Variants in LYPD6 observed in about 807,000 individuals in gnomAD.
The protein encoded by LYPD6 is ly6/PLAUR domain-containing protein 6.
LYPD6 carries 15 observed loss-of-function variants against 22.7 expected under a neutral mutation model. That is an observed-to-expected ratio of 0.66 (90% CI 0.44 to 1.02). LYPD6 has a LOEUF of 1.02. LYPD6 is among the 50% of genes least tolerant of loss of function. The pLI is 0.00. For synonymous variants in LYPD6, 72 were observed against 77.5 expected (o/e 0.93, Z 0.37); for missense variants, 189 against 208.4 (o/e 0.91, Z 0.57).
intron 2 of LYPD6, among the ~76,000 whole-genome samples, chr2:149,442,659 A>C (rs1315881021): frequency 6.6e-6 from 1 of 151,706 alleles, no homozygotes; most frequent in South Asian, 2.1e-4. Context: ...AAAAAAAAAA[A>C]ACCTCTTTAT....
intron 1 of LYPD6, among the ~76,000 whole-genome samples, chr2:149,331,292 C>T (rs72862244): frequency 0.17 from 25,833 of 152,232 alleles, 2,797 homozygotes; most frequent in South Asian, 0.25. Context: ...ACCATCCACC[C>T]ACAGAGTTGG....
chr2:149,345,407 T>C (rs1681235770), intron 1 of LYPD6, among the ~76,000 whole-genome samples: 1 of 150,814 alleles, frequency 6.6e-6, no homozygotes. Context: ...CCTGGGTTCA[T>C]GCCATTCCCT....
the LYPD6 span, among the ~76,000 whole-genome samples, chr2:149,484,731 C>CA: frequency 5.3e-5 from 8 of 151,694 alleles, no homozygotes; most frequent in African/African-American, 1.7e-4. Context: ...CTAGTGGGAC[C>CA]AAAACAAGGT....
At chr2:149,458,112 T>C (rs1681006774) in intron 3 of LYPD6, among the ~76,000 whole-genome samples, 1 of 152,178 alleles carries the variant, frequency 6.6e-6, no homozygotes, top group Admixed American at 6.5e-5. Context: ...CAGCAGAGGC[T>C]GAATGGAAAG....
At chr2:149,455,921 G>A (rs1401127035) in intron 3 of LYPD6, among the ~76,000 whole-genome samples, 1 of 152,206 alleles carries the variant, frequency 6.6e-6, no homozygotes, top group Admixed American at 6.5e-5. Flanking sequence ...AAATAGGGAA[G>A]TCTCCATTTG....
At chr2:149,468,805 T>C (rs1337177391) in intron 4 of LYPD6, 30 bp downstream of exon 4, 2 of 1,609,582 alleles carry the variant, frequency 1.2e-6, no homozygotes, top group Non-Finnish European at 1.7e-6. Flanking sequence ...TGACCAGTAC[T>C]ACATAGCCAG....
chr2:149,333,981 ATACT>A (rs1176570312), intron 1 of LYPD6, among the ~76,000 whole-genome samples: 1 of 152,194 alleles, frequency 6.6e-6, no homozygotes, highest in African/African-American at 2.4e-5. Flanking sequence ...ATGAAAAGAA[ATACT>A]TAATTTACCC....
At chr2:149,360,145 G>T (rs2105067139) in intron 1 of LYPD6, among the ~76,000 whole-genome samples, 1 of 152,324 alleles carries the variant, frequency 6.6e-6, no homozygotes, top group East Asian at 1.9e-4. Context: ...GCTGTTGGAA[G>T]TGTCTTTTAG....
At chr2:149,478,582 C>A (rs1278240665), downstream of LYPD6, among the ~76,000 whole-genome samples, 1 of 151,930 alleles carries the variant, frequency 6.6e-6, no homozygotes, top group Non-Finnish European at 1.5e-5. Context: ...TGCCACCACA[C>A]CTGGCTAACT....
rs73964415 is a variant in LYPD6, at chr2:149,390,390, G to T, written c.-71-47248G>T. Reference sequence around the variant, plus strand: ...TAGCTGTGAAGCTAAATGCTCACTGGTTCTTACTGGTTTAGGGGATATGGG... The same window carrying T: ...TAGCTGTGAAGCTAAATGCTCACTGTTTCTTACTGGTTTAGGGGATATGGG... On this transcript the variant is annotated intron_variant, in intron 1 of 4. Coordinates refer to ENST00000334166, the MANE Select transcript of LYPD6 (RefSeq NM_194317.5). 2.4e-3 allele frequency among the ~76,000 whole-genome samples: 359 copies of T among 152,284 alleles called. 3 individuals are homozygous for T. The highest frequency in any genetic ancestry group is 8.1e-3 in the African/African-American group (336 of 41,562).
At chr2:149,412,804 G>T (rs1336009242) in intron 1 of LYPD6, among the ~76,000 whole-genome samples, 3 of 152,270 alleles carry the variant, frequency 2.0e-5, no homozygotes, top group East Asian at 1.9e-4. Context: ...ACTGCCTTTT[G>T]TGGCAGAAAT....
chr2:149,415,740 C>T (rs1408074556), intron 1 of LYPD6, among the ~76,000 whole-genome samples: 2 of 152,136 alleles, frequency 1.3e-5, no homozygotes, highest in African/African-American at 4.8e-5. Flanking sequence ...GATCACGGCT[C>T]ACTGCAGCGT....
At chr2:149,381,146 A>G (rs191805418) in intron 1 of LYPD6, among the ~76,000 whole-genome samples, 2 of 152,300 alleles carry the variant, frequency 1.3e-5, no homozygotes, top group East Asian at 3.9e-4. Flanking sequence ...ACTGGAGACA[A>G]GTGTAAAGAC....
intron 1 of LYPD6, among the ~76,000 whole-genome samples, chr2:149,381,861 T>C (rs1011866942): frequency 6.6e-6 from 1 of 152,188 alleles, no homozygotes; most frequent in African/African-American, 2.4e-5. Flanking sequence ...AATTGCAGTA[T>C]AGAATTCTTT....
chr2:149,370,384 T>C (rs1013915810), intron 1 of LYPD6: 1 of 151,946 alleles, frequency 6.6e-6, no homozygotes, highest in Non-Finnish European at 1.5e-5. Context: ...AGTGTGATAG[T>C]ATTAAGAGGT....
In LYPD6 at chr2:149,369,272, G is replaced by A. The variant is rs148192751; in HGVS notation, c.-72+38550G>A. On this transcript the variant is annotated intron_variant, in intron 1 of 4. Transcript: ENST00000334166. ...ATTTAGGTTATCAAAGGCACTCAAG[G>A]TTCTGGAACTAGGACCCAAAAAGTC... Among the ~76,000 whole-genome samples the A allele has an allele frequency of 8.3e-4, 127 of 152,248 alleles. 1 individual carries two copies. The highest frequency in any genetic ancestry group is 3.0e-3 in the African/African-American group (126 of 41,554).
At chr2:149,460,244 T>G (rs1050728707) in intron 3 of LYPD6, among the ~76,000 whole-genome samples, 1 of 152,194 alleles carries the variant, frequency 6.6e-6, no homozygotes, top group African/African-American at 2.4e-5. Context: ...ATTGACAGAA[T>G]ATGTTAAACC....
At chr2:149,412,527 T>G (rs905416963) in intron 1 of LYPD6, among the ~76,000 whole-genome samples, 5 of 152,090 alleles carry the variant, frequency 3.3e-5, no homozygotes, top group African/African-American at 1.2e-4. Flanking sequence ...AGTTCTCGAG[T>G]CTGTTTCTCA....
intron 1 of LYPD6, among the ~76,000 whole-genome samples, chr2:149,336,951 G>GTGTC (rs1559116721): frequency 9.9e-5 from 15 of 152,018 alleles, no homozygotes; most frequent in African/African-American, 3.6e-4. Flanking sequence ...GTGTGTGTGT[G>GTGTC]TGTGTGTGTT....
Sources: gnomAD v4.1 joint callset for allele counts (sites outside exome capture counted in the v4.1 genomes callset) on GRCh38, gnomAD v4.1.1 for gene constraint, MANE v1.5 for transcripts, NCBI Gene and HGNC (gene_info 2026-07-23, HGNC 2026-07-21) for gene names.